Variants in TPTE observed in about 807,000 individuals in gnomAD.
The protein encoded by TPTE is transmembrane phosphatase with tensin homology.
In TPTE, 59 loss-of-function variants were observed where a neutral mutation model predicts 84.1. That is an observed-to-expected ratio of 0.70 (90% CI 0.57 to 0.87). The LOEUF (loss-of-function observed/expected upper bound fraction) is 0.87. Ranked by LOEUF, TPTE falls within the 40% of genes least tolerant of loss-of-function variation. The pLI, the probability that TPTE is intolerant of heterozygous loss-of-function variation, is 0.00. For synonymous variants in TPTE, 130 were observed against 223.5 expected (o/e 0.58, Z 3.73); for missense variants, 382 against 659.6 (o/e 0.58, Z 4.61).
intron 5 of TPTE, among the ~76,000 whole-genome samples, chr21:10,542,034 TG>T (rs2074378856): frequency 6.6e-6 from 1 of 152,310 alleles, no homozygotes. Flanking sequence ...AAGGAGCTAA[TG>T]GAGGGCCTTT....
chr21:10,547,731 A>G (rs1354182802), intron 7 of TPTE, among the ~76,000 whole-genome samples: 2 of 152,306 alleles, frequency 1.3e-5, no homozygotes, highest in Admixed American at 6.5e-5. Context: ...CCAAGCCCAC[A>G]TGGGTGGGTT....
At chr21:10,565,946 G>T (rs1236835661) in intron 10 of TPTE, among the ~76,000 whole-genome samples, 5 of 152,304 alleles carry the variant, frequency 3.3e-5, no homozygotes, top group Non-Finnish European at 7.3e-5. Flanking sequence ...ACATTGGTCT[G>T]AGCAAAAATT....
chr21:10,555,496 G>A (rs8130327), intron 8 of TPTE, among the ~76,000 whole-genome samples: 2,100 of 151,468 alleles, frequency 0.014, no homozygotes, highest in African/African-American at 0.049. Context: ...GTGAGCCACC[G>A]CGCCTGGCCG....
intron 17 of TPTE, among the ~76,000 whole-genome samples, chr21:10,587,889 A>G (rs1488194423): frequency 5.3e-5 from 8 of 152,286 alleles, no homozygotes; most frequent in South Asian, 4.1e-4. Flanking sequence ...TTGCTCTGTC[A>G]CCCAGGCTGG....
At chr21:10,526,432 T>C (rs921598699) in intron 2 of TPTE, among the ~76,000 whole-genome samples, 1 of 152,310 alleles carries the variant, frequency 6.6e-6, no homozygotes, top group African/African-American at 2.4e-5. Flanking sequence ...ATTTAATATA[T>C]TGTTTCCAAA....
chr21:10,601,810 G>A (rs1299443578), intron 21 of TPTE, among the ~76,000 whole-genome samples: 1 of 152,310 alleles, frequency 6.6e-6, no homozygotes, highest in Non-Finnish European at 1.5e-5. Flanking sequence ...CCGAGATCAT[G>A]CCACTGCACT....
intron 17 of TPTE, among the ~76,000 whole-genome samples, chr21:10,579,421 C>A (rs1412473149): frequency 6.6e-6 from 1 of 152,312 alleles, no homozygotes; most frequent in Admixed American, 6.5e-5. Context: ...ACCTGGGAGG[C>A]AGAGGTTGCG....
chr21:10,596,291 T>C (rs2075587701), intron 20 of TPTE, among the ~76,000 whole-genome samples: 1 of 152,312 alleles, frequency 6.6e-6, no homozygotes, highest in African/African-American at 2.4e-5. Flanking sequence ...TCTTCACTTT[T>C]TCTTTTCCAT....
At chr21:10,579,152 T>C (rs2145736224) in intron 17 of TPTE, among the ~76,000 whole-genome samples, 1 of 152,426 alleles carries the variant, frequency 6.6e-6, no homozygotes, top group East Asian at 1.9e-4. Flanking sequence ...ACATTATTAT[T>C]AACTGTGGTC....
chr21:10,570,917 C>T (rs1396559917), intron 14 of TPTE, among the ~76,000 whole-genome samples: 49 of 152,318 alleles, frequency 3.2e-4, no homozygotes, highest in African/African-American at 1.1e-3. Flanking sequence ...GACTTGGCTA[C>T]CCTCGACTGA....
At chr21:10,544,946 C>G (rs1374106710) in intron 7 of TPTE, among the ~76,000 whole-genome samples, 1 of 152,304 alleles carries the variant, frequency 6.6e-6, no homozygotes, top group African/African-American at 2.4e-5. Context: ...AATTTCATTA[C>G]AAACATCTAA....
chr21:10,567,598 T>A, intron 10 of TPTE, 72 bp from the exon 11 acceptor site: 1 of 1,588,494 alleles, frequency 6.3e-7, no homozygotes. Context: ...AGTCAATAGT[T>A]TGTGGTCTTT....
chr21:10,602,789 C>T (rs1266373435), intron 22 of TPTE: 1 of 518,092 alleles, frequency 1.9e-6, no homozygotes, highest in Non-Finnish European at 3.9e-6. Context: ...GGGGAGCCAT[C>T]CAGGAGACCT....
chr21:10,561,721 A>G (rs139268143), intron 10 of TPTE, among the ~76,000 whole-genome samples: 34 of 152,412 alleles, frequency 2.2e-4, no homozygotes, highest in African/African-American at 2.9e-4. Context: ...CCATAGCACA[A>G]TAAAACACTA....
At chr21:10,558,572 C>T (rs986652490) in intron 8 of TPTE, among the ~76,000 whole-genome samples, 3 of 152,308 alleles carry the variant, frequency 2.0e-5, no homozygotes, top group African/African-American at 7.2e-5. Context: ...CTGTTCATGT[C>T]AAAGGCCAAT....
At chr21:10,556,397 A>T (rs1255691582) in intron 8 of TPTE, among the ~76,000 whole-genome samples, 1 of 152,312 alleles carries the variant, frequency 6.6e-6, no homozygotes, top group East Asian at 1.9e-4. Context: ...GCTGCTTAGT[A>T]TTCCATGGTG....
chr21:10,575,457 T>C (rs575330462), intron 14 of TPTE, among the ~76,000 whole-genome samples: 99 of 152,180 alleles, frequency 6.5e-4, no homozygotes, highest in African/African-American at 2.3e-3. Context: ...AGAATACAGG[T>C]GGTCTGGAGG....
intron 8 of TPTE, among the ~76,000 whole-genome samples, chr21:10,553,866 T>TA (rs200908594): frequency 0.036 from 5,347 of 150,422 alleles, no homozygotes; most frequent in Non-Finnish European, 0.055. Context: ...ATATTGTATT[T>TA]AAAAAATTAG....
chr21:10,557,752 TTTTA>T (rs2074711797), intron 8 of TPTE, among the ~76,000 whole-genome samples: 1 of 152,304 alleles, frequency 6.6e-6, no homozygotes, highest in Non-Finnish European at 1.5e-5. Context: ...TTTTTTTAAC[TTTTA>T]TTTTAGGTTT....
Sources: gnomAD v4.1 joint callset for allele counts (sites outside exome capture counted in the v4.1 genomes callset) on GRCh38, gnomAD v4.1.1 for gene constraint, MANE v1.5 for transcripts, NCBI Gene and HGNC (gene_info 2026-07-23, HGNC 2026-07-21) for gene names.